The following CDH18 variants were observed in gnomAD, a reference collection of about 807,000 sequenced individuals.
CDH18 encodes cadherin-18.
CDH18 carries 31 observed loss-of-function variants against 67.9 expected under a neutral mutation model. The ratio of observed to expected loss-of-function variants is 0.46; its 90% CI spans 0.34 to 0.62. The LOEUF is 0.62. Among genes scored for constraint, CDH18 ranks in the 20% least tolerant of loss-of-function variants. The pLI is 0.01. For synonymous variants in CDH18, 362 were observed against 347.2 expected (o/e 1.04, Z -0.48); for missense variants, 890 against 975.5 (o/e 0.91, Z 1.17).
intron 10 of CDH18, among the ~76,000 whole-genome samples, chr5:19,516,667 T>C (rs1746063770): frequency 6.6e-6 from 1 of 152,206 alleles, no homozygotes; most frequent in Non-Finnish European, 1.5e-5. Context: ...TGATGGTAGT[T>C]TGTATTTCTG....
chr5:19,857,572 A>T (rs1388883553), intron 2 of CDH18, among the ~76,000 whole-genome samples: 1 of 152,198 alleles, frequency 6.6e-6, no homozygotes, highest in African/African-American at 2.4e-5. Flanking sequence ...GTTAACAAAA[A>T]AATATAAATC....
At chr5:19,800,813 C>T (rs1777381027) in intron 3 of CDH18, among the ~76,000 whole-genome samples, 1 of 152,082 alleles carries the variant, frequency 6.6e-6, no homozygotes, top group Admixed American at 6.6e-5. Flanking sequence ...ATGGAGAGTA[C>T]TTCTGTACTA....
At chr5:20,271,129 TTAAAA>T (rs1745406925) in intron 1 of CDH18, among the ~76,000 whole-genome samples, 1 of 151,666 alleles carries the variant, frequency 6.6e-6, no homozygotes, top group Non-Finnish European at 1.5e-5. Context: ...ACCCCTGAAC[TTAAAA>T]TAAAAGTTAA....
chr5:19,752,890 C>A (rs1468489593), intron 3 of CDH18, among the ~76,000 whole-genome samples: 1 of 152,110 alleles, frequency 6.6e-6, no homozygotes, highest in East Asian at 1.9e-4. Flanking sequence ...TAGCCCAGAG[C>A]CTGGTAGACT....
chr5:20,208,037 A>C (rs1364005730), intron 2 of CDH18, among the ~76,000 whole-genome samples: 1 of 152,174 alleles, frequency 6.6e-6, no homozygotes, highest in East Asian at 1.9e-4. Flanking sequence ...CTTATTTTCA[A>C]CAAAGATACC....
At chr5:19,860,082 A>C (rs1388785352) in intron 2 of CDH18, among the ~76,000 whole-genome samples, 1 of 151,344 alleles carries the variant, frequency 6.6e-6, no homozygotes, top group Non-Finnish European at 1.5e-5. Context: ...TTTTACTCCT[A>C]ACTGGAACTT....
intron 1 of CDH18, among the ~76,000 whole-genome samples, chr5:20,327,651 A>C (rs1361656932): frequency 2.0e-5 from 3 of 152,214 alleles, no homozygotes; most frequent in Non-Finnish European, 4.4e-5. Flanking sequence ...CTGAAAAATA[A>C]TCAAACAAAG....
chr5:19,761,353 G>C lies in CDH18; in HGVS notation c.229-14117C>G, dbSNP rs1772316715. On this transcript the variant is annotated intron_variant, in intron 3 of 12. Transcript: ENST00000382275. Reference sequence around the variant, plus strand: ...CCAACCAGCTTCATTATGTTCCTTGGATCTCCACATATAGTCAAAGGTATT... The same window carrying C: ...CCAACCAGCTTCATTATGTTCCTTGCATCTCCACATATAGTCAAAGGTATT... Among the ~76,000 whole-genome samples, 3 of 152,016 alleles carry C rather than the reference G, an allele frequency of 2.0e-5. 1 individual carries two copies. In the South Asian group the frequency reaches 6.2e-4, roughly 32 times the overall value.
At chr5:19,584,598 T>C (rs534849156) in intron 7 of CDH18, among the ~76,000 whole-genome samples, 2 of 151,488 alleles carry the variant, frequency 1.3e-5, no homozygotes, top group South Asian at 4.2e-4. Flanking sequence ...TATCAAAAAA[T>C]TACGTGAATG....
intron 4 of CDH18, among the ~76,000 whole-genome samples, chr5:19,745,656 C>T (rs1477251612): frequency 6.6e-6 from 1 of 152,154 alleles, no homozygotes; most frequent in Non-Finnish European, 1.5e-5. Flanking sequence ...CCTTGGAGAT[C>T]AATAAGCCCG....
intron 2 of CDH18, among the ~76,000 whole-genome samples, chr5:20,241,088 T>G (rs1742858275): frequency 1.3e-5 from 2 of 152,294 alleles, no homozygotes; most frequent in East Asian, 1.9e-4. Context: ...AACAAAACAT[T>G]GTATTTACAG....
chr5:19,808,663 T>TAA (rs532046251), intron 3 of CDH18, among the ~76,000 whole-genome samples: 27 of 146,712 alleles, frequency 1.8e-4, no homozygotes, highest in East Asian at 1.0e-3. Context: ...CTGTCTCTAC[T>TAA]AAAAAAAAAA....
At chr5:20,388,224 A>G (rs1744487126) in intron 1 of CDH18, among the ~76,000 whole-genome samples, 1 of 152,040 alleles carries the variant, frequency 6.6e-6, no homozygotes, top group Non-Finnish European at 1.5e-5. Flanking sequence ...GTAAGCTATT[A>G]ATTATTGCCT....
At chr5:19,670,869 A>G (rs1452283403) in intron 5 of CDH18, among the ~76,000 whole-genome samples, 2 of 152,146 alleles carry the variant, frequency 1.3e-5, no homozygotes, top group Non-Finnish European at 2.9e-5. Context: ...ATGATGCTAG[A>G]CTAAATATAA....
At chr5:19,901,871 TC>T (rs1398649619) in intron 2 of CDH18, among the ~76,000 whole-genome samples, 14 of 151,832 alleles carry the variant, frequency 9.2e-5, no homozygotes. Context: ...CATCTCAGCA[TC>T]TCATTCAATA....
At chr5:20,320,742 C>T (rs775602461) in intron 1 of CDH18, among the ~76,000 whole-genome samples, 2 of 152,160 alleles carry the variant, frequency 1.3e-5, no homozygotes, top group South Asian at 2.1e-4. Flanking sequence ...GACCCAGCTC[C>T]GTAGCTGCTG....
intron 2 of CDH18, among the ~76,000 whole-genome samples, chr5:19,968,749 A>G (rs1797729459): frequency 7.0e-6 from 1 of 143,750 alleles, no homozygotes; most frequent in South Asian, 2.1e-4. Flanking sequence ...CCTAGAAGAA[A>G]ACCTAGGCAT....
intron 3 of CDH18, among the ~76,000 whole-genome samples, chr5:19,778,391 C>T (rs1033272685): frequency 1.3e-5 from 2 of 152,046 alleles, no homozygotes; most frequent in African/African-American, 2.4e-5. Flanking sequence ...CTTTATCAGA[C>T]AAGAAGAAAC....
At chr5:20,218,975 C>A (rs1221858142) in intron 2 of CDH18, among the ~76,000 whole-genome samples, 1 of 151,094 alleles carries the variant, frequency 6.6e-6, no homozygotes, top group Non-Finnish European at 1.5e-5. Flanking sequence ...ATTAGAAAAT[C>A]AAGAGTAAAC....
Sources: gnomAD v4.1 joint callset for allele counts (sites outside exome capture counted in the v4.1 genomes callset) on GRCh38, gnomAD v4.1.1 for gene constraint, MANE v1.5 for transcripts, NCBI Gene and HGNC (gene_info 2026-07-23, HGNC 2026-07-21) for gene names.